RABGAP1L: variants seen among roughly 807,000 people sequenced by gnomAD.
RABGAP1L encodes the protein RAB GTPase activating protein 1 like, also known as rab GTPase-activating protein 1-like.
In RABGAP1L, 63 loss-of-function variants were observed where a neutral mutation model predicts 137.7. That is an observed-to-expected ratio of 0.46 (90% confidence interval 0.37 to 0.56). The LOEUF (loss-of-function observed/expected upper bound fraction) is 0.56. RABGAP1L is among the 20% of genes least tolerant of loss of function. RABGAP1L has a pLI of 0.00. For synonymous variants in RABGAP1L, 431 were observed against 433.7 expected, an observed-to-expected ratio of 0.99 and a Z score of 0.08; for missense variants, 1,095 against 1,244.0, an observed-to-expected ratio of 0.88 and a Z score of 1.80.
At chr1:174,466,985 T>C (rs1310495350) in intron 13 of RABGAP1L, among the ~76,000 whole-genome samples, 1 of 152,208 alleles carries the variant, frequency 6.6e-6, no homozygotes, top group Non-Finnish European at 1.5e-5. Context: ...CCTCACAATG[T>C]CTGGCATATA....
At position 174,735,612 on chromosome 1, in the gene RABGAP1L, CAAAAAAAA is replaced by C. The variant is rs59281177; in HGVS notation, c.2170-16679_2170-16672del. Among the ~76,000 whole-genome samples the C allele has an allele frequency of 9.3e-4, 43 of 46,160 alleles. No homozygotes were observed. The East Asian group carries it at 0.032, about 34-fold the overall frequency. 30.3% of individuals were successfully genotyped at this position (46,160 alleles called of 152,430 possible). On this transcript the variant is annotated intron_variant, in intron 17 of 25. Coordinates refer to ENST00000681986, the MANE Select transcript of RABGAP1L (RefSeq NM_001366446.1). ...GGGCAACAAGAGCAAAACTCCATCT[CAAAAAAAA>C]AAAAAAAAAAAAAAAAAAAAAGAAA...
At chr1:174,513,810 G>A (rs1339224297) in intron 13 of RABGAP1L, among the ~76,000 whole-genome samples, 2 of 151,876 alleles carry the variant, frequency 1.3e-5, no homozygotes, top group African/African-American at 4.8e-5. Context: ...TCTAAAAATA[G>A]TTTTATTTAG....
intron 19 of RABGAP1L, among the ~76,000 whole-genome samples, chr1:174,835,682 A>G (rs1692667515): frequency 6.6e-6 from 1 of 152,212 alleles, no homozygotes; most frequent in African/African-American, 2.4e-5. Flanking sequence ...TTATAAGATG[A>G]TAATAAAACT....
intron 19 of RABGAP1L, among the ~76,000 whole-genome samples, chr1:174,916,492 G>A (rs1318257747): frequency 6.6e-6 from 1 of 152,174 alleles, no homozygotes; most frequent in Non-Finnish European, 1.5e-5. Flanking sequence ...ACCCAGAGGG[G>A]AAAAGGGCCA....
At chr1:174,879,556 T>A (rs192470372) in intron 19 of RABGAP1L, among the ~76,000 whole-genome samples, 1 of 152,228 alleles carries the variant, frequency 6.6e-6, no homozygotes, top group Admixed American at 6.5e-5. Flanking sequence ...TTTTAAATGG[T>A]CATTTAGAGA....
chr1:174,368,866 T>C, intron 11 of RABGAP1L, among the ~76,000 whole-genome samples: 1 of 152,240 alleles, frequency 6.6e-6, no homozygotes, highest in East Asian at 1.9e-4. Flanking sequence ...TTTGAAAGAT[T>C]TTCTGTCATC....
chr1:174,374,656 A>G (rs1183376669), intron 12 of RABGAP1L, among the ~76,000 whole-genome samples: 5 of 152,240 alleles, frequency 3.3e-5, no homozygotes, highest in Non-Finnish European at 5.9e-5. Context: ...TTAATGGGAA[A>G]AATACATTAC....
At chr1:174,292,175 C>CT (rs1164903060) in intron 10 of RABGAP1L, among the ~76,000 whole-genome samples, 1 of 150,510 alleles carries the variant, frequency 6.6e-6, no homozygotes, top group Non-Finnish European at 1.5e-5. Flanking sequence ...GTAGCTAGGA[C>CT]TACAGGTACA....
At chr1:174,261,400 A>G (rs139293683) in intron 7 of RABGAP1L, among the ~76,000 whole-genome samples, 20 of 152,230 alleles carry the variant, frequency 1.3e-4, no homozygotes, top group African/African-American at 3.9e-4. Flanking sequence ...TTTGGTAGCA[A>G]TTTTGCTTCA....
intron 1 of RABGAP1L, among the ~76,000 whole-genome samples, chr1:174,218,826 A>G (rs1487967356): frequency 2.0e-5 from 3 of 152,144 alleles, no homozygotes; most frequent in African/African-American, 7.2e-5. Flanking sequence ...TTCTAAGAGA[A>G]ATGAGAGTGA....
Position 174,588,465 on chromosome 1 carries a change from C to T in RABGAP1L, c.1711-48910C>T, listed in dbSNP as rs148027978. Among the ~76,000 whole-genome samples, 1,380 of 152,218 alleles carry T rather than the reference C, an allele frequency of 9.1e-3. 25 individuals are homozygous for T. The highest frequency in any genetic ancestry group is 0.032 in the African/African-American group (1,325 of 41,526). ...TAGGCATGAGCCACCACGCCTGGCC[C>T]GGCCTAGTTATTTTTAAATGTACAA... On this transcript the variant is annotated intron_variant, in intron 13 of 25. Coordinates refer to ENST00000681986, the MANE Select transcript of RABGAP1L (RefSeq NM_001366446.1).
chr1:174,750,719 G>A (rs917891640), intron 17 of RABGAP1L, among the ~76,000 whole-genome samples: 1 of 152,072 alleles, frequency 6.6e-6, no homozygotes, highest in African/African-American at 2.4e-5. Context: ...GACATGAGAG[G>A]GATTTGCATT....
chr1:174,437,048 C>G (rs1003731395), intron 13 of RABGAP1L, among the ~76,000 whole-genome samples: 1 of 152,240 alleles, frequency 6.6e-6, no homozygotes, highest in Non-Finnish European at 1.5e-5. Flanking sequence ...GAAAGGACAT[C>G]CACACCAAAA....
intron 13 of RABGAP1L, among the ~76,000 whole-genome samples, chr1:174,565,884 A>ATT (rs776033808): frequency 0.021 from 2,770 of 132,716 alleles, 49 homozygotes; most frequent in South Asian, 0.04. Context: ...AATCCTTTAC[A>ATT]TTTTTTTTTT....
At chr1:174,715,536 C>T (rs1464780544) in intron 17 of RABGAP1L, among the ~76,000 whole-genome samples, 1 of 152,184 alleles carries the variant, frequency 6.6e-6, no homozygotes, top group Admixed American at 6.5e-5. Context: ...GATTTACATA[C>T]CTTGTCACAC....
intron 10 of RABGAP1L, among the ~76,000 whole-genome samples, chr1:174,280,048 GGAGAGA>G (rs59262212): frequency 0.022 from 2,700 of 125,270 alleles, 81 homozygotes; most frequent in African/African-American, 0.065. Flanking sequence ...CTGTCTGCCT[GGAGAGA>G]GAGAGAGAGA....
At chr1:174,449,901 T>C (rs902008643) in intron 13 of RABGAP1L, among the ~76,000 whole-genome samples, 1 of 152,190 alleles carries the variant, frequency 6.6e-6, no homozygotes, top group African/African-American at 2.4e-5. Context: ...TTTTTTTCTC[T>C]CTTTTTCTTG....
chr1:174,396,161 G>A (rs979551348), intron 13 of RABGAP1L, among the ~76,000 whole-genome samples: 4 of 152,078 alleles, frequency 2.6e-5, no homozygotes, highest in Admixed American at 2.0e-4. Flanking sequence ...GCCAGGGGTT[G>A]GAGGAAAAAG....
rs1401904122 is a variant in RABGAP1L at position 174,832,642 on chromosome 1, CTA to C, written c.2340+20684_2340+20685del. Reference sequence around the variant, plus strand: ...CCAGCAGCCCCTTCTCCCATGACCTCTATGTCAGTTACATCCATGTGCTGACA... The same window carrying C: ...CCAGCAGCCCCTTCTCCCATGACCTCTGTCAGTTACATCCATGTGCTGACA... On this transcript the variant is annotated intron_variant, in intron 19 of 25. Coordinates refer to ENST00000681986, the MANE Select transcript of RABGAP1L (RefSeq NM_001366446.1). 3.3e-5 allele frequency among the ~76,000 whole-genome samples: 4 copies of C among 121,554 alleles called. 1 individual carries two copies. In the East Asian group the frequency reaches 1.2e-3, roughly 38 times the overall value. The allele number at this position is 121,554 out of a possible 152,430, so 79.7% of individuals were successfully genotyped here. A position where few individuals can be genotyped will look rare whatever the true frequency, so the allele number is the denominator to read the frequency against.
Sources: gnomAD v4.1 joint callset for allele counts (sites outside exome capture counted in the v4.1 genomes callset) on GRCh38, gnomAD v4.1.1 for gene constraint, MANE v1.5 for transcripts, NCBI Gene and HGNC (gene_info 2026-07-23, HGNC 2026-07-21) for gene names.